Variants in LMO1 observed in about 807,000 individuals in gnomAD.
LMO1 encodes rhombotin-1.
Under a neutral mutation model 18.0 loss-of-function variants are expected in LMO1, and 10 were observed. That is an observed-to-expected ratio of 0.55 (90% CI 0.34 to 0.94). LMO1 has a LOEUF of 0.94. Among genes scored for constraint, LMO1 ranks in the 40% least tolerant of loss-of-function variants. The pLI, the probability that LMO1 is intolerant of heterozygous loss-of-function variation, is 0.02. For missense variants in LMO1, 183 were observed against 205.7 expected (o/e 0.89, Z 0.68); for synonymous variants, 77 against 77.9 (o/e 0.99, Z 0.06).
rs116602025 is a variant in LMO1 at position 8,230,222 on chromosome 11, G to A, written c.239+69C>T. Reference sequence around the variant, plus strand: ...GGTCTAGGGCCGGGGGCACAGTCACGCTGGGGCTGAGGATGGGGAGCTTTC... The same window carrying A: ...GGTCTAGGGCCGGGGGCACAGTCACACTGGGGCTGAGGATGGGGAGCTTTC... On this transcript the variant is annotated intron_variant, in intron 2 of 3. Coordinates refer to ENST00000335790, the MANE Select transcript of LMO1 (RefSeq NM_002315.3). The A allele has an allele frequency of 1.2e-3, 1,748 of 1,429,904 alleles. 12 individuals carry two copies. In the African/African-American group the frequency reaches 0.018, roughly 15 times the overall value. 88.6% of individuals were successfully genotyped at this position (1,429,904 alleles called of 1,614,324 possible).
At chr11:8,225,624 T>C (rs1283614122) in intron 3 of LMO1, among the ~76,000 whole-genome samples, 4 of 152,134 alleles carry the variant, frequency 2.6e-5, no homozygotes, top group East Asian at 1.9e-4. Flanking sequence ...AGGCCCTTCA[T>C]TGGTCTCCTA....
At chr11:8,230,154 C>G in intron 2 of LMO1, 137 bp downstream of exon 2, 1 of 757,902 alleles carries the variant, frequency 1.3e-6, no homozygotes, top group Non-Finnish European at 2.2e-6. Flanking sequence ...GCAAGCAGGG[C>G]AGGGGCAGGA....
chr11:8,224,725 G>T lies in LMO1; in HGVS notation c.366-4C>A. On this transcript the variant is annotated splice_polypyrimidine_tract_variant and splice_region_variant and intron_variant, in intron 3 of 3. Transcript: ENST00000335790. ...GAATTTGTCTCCCACACAAAATCTA[G>T]AAAATCCAAGCGAGAGAGAGAAGCC... The T allele has an allele frequency of 1.3e-6, 2 of 1,583,128 alleles. No individual in the cohort carries two copies. The highest frequency in any genetic ancestry group is 1.7e-4 in the Middle Eastern group (1 of 6,004).
At chr11:8,228,754 C>T (rs564844852) in intron 2 of LMO1, among the ~76,000 whole-genome samples, 4 of 152,066 alleles carry the variant, frequency 2.6e-5, no homozygotes, top group African/African-American at 7.2e-5. Context: ...CTGTGGGCCT[C>T]TCTCTCCAAG....
rs187312168 is a variant in LMO1 at position 8,239,445 on chromosome 11, G to A, written c.26-8941C>T. ...GGACCAGAAACTAAGTAAAAAGAGG[G>A]CACAGGGCTGGGAAGGGAGCAGAGG... On this transcript the variant is annotated intron_variant, in intron 1 of 3. Coordinates refer to ENST00000335790, the MANE Select transcript of LMO1 (RefSeq NM_002315.3). Among the ~76,000 whole-genome samples the A allele has an allele frequency of 1.4e-3, 217 of 152,348 alleles. 1 individual carries two copies. The highest frequency in any genetic ancestry group is 4.7e-3 in the African/African-American group (195 of 41,580).
At chr11:8,266,258 G>A (rs1393157456), upstream of LMO1, among the ~76,000 whole-genome samples, 2 of 152,302 alleles carry the variant, frequency 1.3e-5, no homozygotes, top group South Asian at 2.1e-4. Flanking sequence ...TTCCAGCCAG[G>A]AAGGGGCTTG....
intron 1 of LMO1, among the ~76,000 whole-genome samples, chr11:8,246,627 T>C (rs1004067763): frequency 2.0e-5 from 3 of 152,216 alleles, no homozygotes; most frequent in African/African-American, 7.2e-5. Context: ...CATAACTCTG[T>C]GAATATACCA....
Position 8,227,026 on chromosome 11 carries a change from C to T in LMO1, c.314G>A (p.Arg105Gln), listed in dbSNP as rs780757257. 1.1e-5 allele frequency: 17 copies of T among 1,613,740 alleles called. No individual in the cohort carries two copies. The highest frequency in any genetic ancestry group is 1.3e-5 in the African/African-American group (1 of 74,934). The stretch of plus-strand genomic sequence containing the variant: ...GCAGTCGAGGTGATACACGTTGTCC[C>T]GGGCCCGCATCACCATCTCGAAGGC... ...IPAFEMVMRA[R>Q]DNVYHLDCFA... The change falls in exon 3 of 4, where the codon CGG becomes CAG. Residue 105 changes from arginine to glutamine, a missense_variant. Physicochemically the swap from Arg to Gln is conservative, Grantham distance 43 (BLOSUM62 1). Coordinates refer to ENST00000335790, the MANE Select transcript of LMO1 (RefSeq NM_002315.3).
At chr11:8,266,670 G>A (rs1355778461), upstream of LMO1, among the ~76,000 whole-genome samples, 1 of 152,214 alleles carries the variant, frequency 6.6e-6, no homozygotes, top group Non-Finnish European at 1.5e-5. Flanking sequence ...CCCTCCACCT[G>A]GCAGGAAAGT....
chr11:8,244,038 A>G (rs1371895017), intron 1 of LMO1, among the ~76,000 whole-genome samples: 2 of 152,132 alleles, frequency 1.3e-5, no homozygotes, highest in African/African-American at 2.4e-5. Flanking sequence ...TCCCAACTTT[A>G]AGCCATACTC....
At chr11:8,258,158 C>T (rs1181208148) in intron 1 of LMO1, among the ~76,000 whole-genome samples, 1 of 152,228 alleles carries the variant, frequency 6.6e-6, no homozygotes, top group Non-Finnish European at 1.5e-5. Context: ...ACAAGTCAAA[C>T]AGTGCCTGGC....
intron 2 of LMO1, among the ~76,000 whole-genome samples, chr11:8,228,468 G>C (rs981319713): frequency 6.6e-6 from 1 of 152,344 alleles, no homozygotes; most frequent in East Asian, 1.9e-4. Flanking sequence ...GGCAGACAAA[G>C]GCTAGGCCAC....
At chr11:8,264,550 C>T (rs76512372), upstream of LMO1, among the ~76,000 whole-genome samples, 1,016 of 152,282 alleles carry the variant, frequency 6.7e-3, 10 homozygotes, top group African/African-American at 0.023. Flanking sequence ...TCCCCAGAAT[C>T]CTGGGGCTGA....
intron 1 of LMO1, among the ~76,000 whole-genome samples, chr11:8,233,934 C>T (rs1443222867): frequency 1.3e-5 from 2 of 152,178 alleles, no homozygotes; most frequent in African/African-American, 4.8e-5. Flanking sequence ...TGCGCTCCTT[C>T]AGGAAAGGTT....
At chr11:8,259,334 C>T (rs551169891) in intron 1 of LMO1, among the ~76,000 whole-genome samples, 5 of 152,150 alleles carry the variant, frequency 3.3e-5, no homozygotes, top group Admixed American at 1.3e-4. Context: ...GGTTGGGGGG[C>T]GGGTTACCCA....
chr11:8,257,523 G>T (rs912261122), intron 1 of LMO1, among the ~76,000 whole-genome samples: 5 of 152,236 alleles, frequency 3.3e-5, no homozygotes, highest in African/African-American at 9.6e-5. Context: ...GCTGATGTTT[G>T]CTGTAATCAG....
chr11:8,232,624 C>A (rs980833199), intron 1 of LMO1, among the ~76,000 whole-genome samples: 8 of 152,170 alleles, frequency 5.3e-5, no homozygotes, highest in Non-Finnish European at 8.8e-5. Flanking sequence ...GCCAGGCCCC[C>A]GCTACAGCCC....
At position 8,243,962 on chromosome 11, in the gene LMO1, C is replaced by G. The variant is rs144498433; in HGVS notation, c.26-13458G>C. ...TCTGGGTGGGGAAGCTGGTCTATGA[C>G]AAGATTCTTTGAGATCACTGACTCC... On this transcript the variant is annotated intron_variant, in intron 1 of 3. Coordinates refer to ENST00000335790, the MANE Select transcript of LMO1 (RefSeq NM_002315.3). 2.3e-4 allele frequency among the ~76,000 whole-genome samples: 35 copies of G among 152,330 alleles called. 1 individual carries two copies. The highest frequency in any genetic ancestry group is 2.1e-3 in the East Asian group (11 of 5,188).
upstream of LMO1, among the ~76,000 whole-genome samples, chr11:8,264,353 G>C (rs529798325): frequency 2.0e-5 from 3 of 152,268 alleles, no homozygotes; most frequent in South Asian, 4.1e-4. Context: ...GGCCTTGAAA[G>C]CTTTTCTCAT....
Sources: allele counts gnomAD v4.1 joint callset (sites outside exome capture counted in the v4.1 genomes callset), GRCh38; gene constraint gnomAD v4.1.1; transcripts MANE v1.5; gene names NCBI Gene and HGNC (gene_info 2026-07-23, HGNC 2026-07-21).